The following ZNF485 variants were observed in gnomAD, a reference collection of about 807,000 sequenced individuals.
ZNF485 encodes Zinc finger protein 93 (Zinc finger protein HTF34).
Under a neutral mutation model 10.8 loss-of-function variants are expected in ZNF485, and 9 were observed. That is an observed-to-expected ratio of 0.83 (90% CI 0.50 to 1.45). The LOEUF (loss-of-function observed/expected upper bound fraction) is 1.45, where lower values mean the gene tolerates loss of function less well. Among genes scored for constraint, ZNF485 ranks in the 40% most tolerant of loss-of-function variants. The pLI is 0.00. For synonymous variants in ZNF485, 187 were observed against 181.0 expected (o/e 1.03, Z -0.27); for missense variants, 487 against 528.0 (o/e 0.92, Z 0.76).
At chr10:43,611,501 G>A (rs917034937) in intron 4 of ZNF485, among the ~76,000 whole-genome samples, 4 of 152,044 alleles carry the variant, frequency 2.6e-5, no homozygotes, top group African/African-American at 9.7e-5. Flanking sequence ...CAATTCTCTT[G>A]TGTACAAGTA....
intron 4 of ZNF485, among the ~76,000 whole-genome samples, chr10:43,615,380 A>C (rs73260732): frequency 0.033 from 5,027 of 152,128 alleles, 282 homozygotes; most frequent in African/African-American, 0.12. Flanking sequence ...GAAAATTCAC[A>C]TAGTACACCC....
intron 2 of ZNF485, 190 bp downstream of exon 2, chr10:43,607,264 G>A: frequency 3.0e-6 from 2 of 663,668 alleles, no homozygotes; most frequent in East Asian, 2.7e-5. Context: ...TGCTACCCAT[G>A]TTTTCTAGAG....
rs569648707 is a variant in ZNF485, at chr10:43,616,031, T to C, written c.248-260T>C. 2.5e-4 allele frequency among the ~76,000 whole-genome samples: 38 copies of C among 152,342 alleles called. No individual in the cohort carries two copies. The South Asian group carries it at 5.6e-3, about 22-fold the overall frequency. The stretch of plus-strand genomic sequence containing the variant: ...TGTTTCCTGTGTTGTCTTCCTAACT[T>C]GGCAACTTCTTAGGGGCTCACTGCA... On this transcript the variant is annotated intron_variant, in intron 4 of 4. Transcript: ENST00000361807.
chr10:43,608,587 T>A, intron 2 of ZNF485, 27 bp from the exon 3 acceptor site: 1 of 1,597,492 alleles, frequency 6.3e-7, no homozygotes, highest in Non-Finnish European at 8.5e-7. Flanking sequence ...GGTTCCCGGA[T>A]GAGCAGAATT....
At chr10:43,611,487 A>G (rs1293051815) in intron 4 of ZNF485, among the ~76,000 whole-genome samples, 1 of 152,194 alleles carries the variant, frequency 6.6e-6, no homozygotes, top group Non-Finnish European at 1.5e-5. Flanking sequence ...ATCCTCATAC[A>G]CATCAATTCT....
intron 3 of ZNF485, 58 bp from the exon 4 acceptor site, chr10:43,609,197 C>T: frequency 6.7e-6 from 9 of 1,352,242 alleles, no homozygotes; most frequent in South Asian, 1.2e-5. Flanking sequence ...ACCGCCATCA[C>T]ATTCCTTTTC....
chr10:43,615,463 A>G (rs1838837555), intron 4 of ZNF485, among the ~76,000 whole-genome samples: 1 of 152,028 alleles, frequency 6.6e-6, no homozygotes, highest in Non-Finnish European at 1.5e-5. Context: ...GTGCAGTGGC[A>G]TGATCTCAGC....
chr10:43,611,258 A>G (rs1417070351), intron 4 of ZNF485, among the ~76,000 whole-genome samples: 1 of 151,778 alleles, frequency 6.6e-6, no homozygotes, highest in Non-Finnish European at 1.5e-5. Context: ...TGTAGAGATG[A>G]GATCTCGCTA....
In ZNF485 at chr10:43,609,149, G is replaced by A. The variant is rs111559740; in HGVS notation, c.152-106G>A. 1.9e-4 allele frequency: 158 copies of A among 847,658 alleles called. No homozygotes were observed. In the African/African-American group the frequency reaches 2.4e-3, roughly 13 times the overall value. 52.5% of individuals were successfully genotyped at this position (847,658 alleles called of 1,614,324 possible). Reference sequence around the variant, plus strand: ...GTCCATGCTCATTGCAGATGCTCAAGTTGACACTGAGGTCTGGAGTGACTG... The same window carrying A: ...GTCCATGCTCATTGCAGATGCTCAAATTGACACTGAGGTCTGGAGTGACTG... On this transcript the variant is annotated intron_variant, in intron 3 of 4. Transcript: ENST00000361807.
chr10:43,616,935 T>C lies in ZNF485; in HGVS notation c.892T>C (p.Tyr298His). 6.2e-7 allele frequency: 1 copy of C among 1,614,130 alleles called. No individual in the cohort carries two copies. Among genetic ancestry groups the C allele is most frequent in the Non-Finnish European group, 8.5e-7 (1 of 1,180,032 alleles). Residue 298 changes from tyrosine to histidine, a missense_variant, in exon 5 of 5, where the codon TAT (tyrosine) becomes CAT (histidine). Tyr to His is a moderately conservative substitution (Grantham distance 83). Transcript: ENST00000361807. ...HQKIHTGEKP[Y>H]QCNECGKAFR... ...GAAAATCCATACTGGTGAGAAGCCA[T>C]ATCAGTGTAATGAATGTGGAAAAGC...
chr10:43,616,057 T>C (rs1838850672), intron 4 of ZNF485, among the ~76,000 whole-genome samples: 3 of 152,358 alleles, frequency 2.0e-5, no homozygotes, highest in East Asian at 3.9e-4. Context: ...GCTCACTGCA[T>C]TCTTTAAATG....
In ZNF485 at chr10:43,616,682, C is replaced by G. The variant is rs779646156; in HGVS notation, c.639C>G (p.Pro213=). The part of the protein sequence containing the change: ...NHQRIHSREK[P]HKCIECGKTF... ...AGAGAATTCATTCTAGGGAGAAACCCCACAAATGCATTGAATGTGGAAAAA... is the reference window on the plus strand; with the variant it reads ...AGAGAATTCATTCTAGGGAGAAACCGCACAAATGCATTGAATGTGGAAAAA... The change falls in exon 5 of 5, where the codon CCC becomes CCG. Residue 213 remains proline, a synonymous_variant. Coordinates refer to ENST00000361807, the MANE Select transcript of ZNF485 (RefSeq NM_145312.4). 6.2e-7 allele frequency: 1 copy of G among 1,614,040 alleles called. No individual in the cohort carries two copies. The highest frequency in any genetic ancestry group is 1.7e-5 in the Admixed American group (1 of 60,014).
At chr10:43,607,679 T>C (rs1282852972) in intron 2 of ZNF485, among the ~76,000 whole-genome samples, 1 of 152,238 alleles carries the variant, frequency 6.6e-6, no homozygotes, top group Non-Finnish European at 1.5e-5. Context: ...GAGTGTCTAT[T>C]ATACAAATAA....
At chr10:43,613,689 A>G (rs1229675678) in intron 4 of ZNF485, among the ~76,000 whole-genome samples, 1 of 152,214 alleles carries the variant, frequency 6.6e-6, no homozygotes, top group Non-Finnish European at 1.5e-5. Flanking sequence ...TTTGGTTCCT[A>G]CGTGGCTACA....
At chr10:43,609,445 C>A in intron 4 of ZNF485, 95 bp downstream of exon 4, 1 of 915,490 alleles carries the variant, frequency 1.1e-6, no homozygotes, top group South Asian at 1.6e-5. Flanking sequence ...CCTGTTGGTG[C>A]AGAAAGGCAC....
At chr10:43,614,758 T>G (rs1838824661) in intron 4 of ZNF485, among the ~76,000 whole-genome samples, 1 of 152,190 alleles carries the variant, frequency 6.6e-6, no homozygotes, top group South Asian at 2.1e-4. Flanking sequence ...GAAGATATTC[T>G]TCTGTGTTAA....
chr10:43,616,268 G>T, intron 4 of ZNF485, 23 bp from the exon 5 acceptor site: 1 of 1,517,806 alleles, frequency 6.6e-7, no homozygotes, highest in South Asian at 1.3e-5. Context: ...AAGAACATTT[G>T]AATTTTTAAA....
intron 4 of ZNF485, among the ~76,000 whole-genome samples, chr10:43,614,172 G>A (rs1458171741): frequency 1.3e-5 from 2 of 151,036 alleles, no homozygotes; most frequent in African/African-American, 4.9e-5. Context: ...CTGAGATTGC[G>A]CCATTGCACT....
intron 4 of ZNF485, among the ~76,000 whole-genome samples, chr10:43,610,090 T>C (rs1295270212): frequency 2.0e-5 from 3 of 152,246 alleles, no homozygotes; most frequent in Non-Finnish European, 4.4e-5. Flanking sequence ...AGCATGGTTT[T>C]TTAGCTCTCA....
Sources: gnomAD v4.1 joint callset for allele counts (sites outside exome capture counted in the v4.1 genomes callset) on GRCh38, gnomAD v4.1.1 for gene constraint, MANE v1.5 for transcripts, NCBI Gene and HGNC (gene_info 2026-07-23, HGNC 2026-07-21) for gene names.